Variants in LNX1 observed in about 807,000 individuals in gnomAD.
LNX1 encodes the protein E3 ubiquitin-protein ligase LNX.
Under a neutral mutation model 68.4 loss-of-function variants are expected in LNX1, and 54 were observed. The ratio of observed to expected loss-of-function variants is 0.79; its 90% CI spans 0.63 to 0.99. The LOEUF (loss-of-function observed/expected upper bound fraction) is 0.99. LNX1 is among the 50% of genes least tolerant of loss of function. The pLI is 0.00. For synonymous variants in LNX1, 336 were observed against 350.0 expected, an observed-to-expected ratio of 0.96 and a Z score of 0.45; for missense variants, 906 against 926.4, an observed-to-expected ratio of 0.98 and a Z score of 0.29.
chr4:53,554,302 C>T (rs1487967405), intron 2 of LNX1, among the ~76,000 whole-genome samples: 1 of 152,204 alleles, frequency 6.6e-6, no homozygotes, highest in Non-Finnish European at 1.5e-5. Flanking sequence ...GCTCTTCATC[C>T]TTTTGAACCT....
chr4:53,514,952 A>T (rs1726651574), intron 2 of LNX1, among the ~76,000 whole-genome samples: 1 of 152,222 alleles, frequency 6.6e-6, no homozygotes, highest in South Asian at 2.1e-4. Context: ...ATTGAGGGAC[A>T]ATATTTTAAA....
At chr4:53,555,148 A>G (rs1729815560) in intron 2 of LNX1, among the ~76,000 whole-genome samples, 1 of 152,156 alleles carries the variant, frequency 6.6e-6, no homozygotes, top group African/African-American at 2.4e-5. Flanking sequence ...TTGGGATCCT[A>G]TGGCCCAGAG....
intron 2 of LNX1, among the ~76,000 whole-genome samples, chr4:53,609,851 A>T (rs1489524016): frequency 6.8e-6 from 1 of 147,966 alleles, no homozygotes; most frequent in African/African-American, 2.5e-5. Flanking sequence ...TAAATAAATC[A>T]TGTAATTTAG....
chr4:53,471,329 C>T (rs557138235), intron 9 of LNX1, among the ~76,000 whole-genome samples: 1 of 151,930 alleles, frequency 6.6e-6, no homozygotes, highest in South Asian at 2.1e-4. Context: ...ACACCTTATA[C>T]AAAAATTAAT....
intron 4 of LNX1, among the ~76,000 whole-genome samples, chr4:53,503,791 A>C (rs1003266375): frequency 6.6e-6 from 1 of 152,214 alleles, no homozygotes; most frequent in African/African-American, 2.4e-5. Context: ...TCTAGTTAAG[A>C]AAGTCCTAGA....
intron 2 of LNX1, among the ~76,000 whole-genome samples, chr4:53,542,911 C>T (rs566337701): frequency 6.6e-6 from 1 of 152,156 alleles, no homozygotes; most frequent in Non-Finnish European, 1.5e-5. Flanking sequence ...GGTCATGAGC[C>T]CACCCAGGTG....
chr4:53,524,293 C>T (rs1205004699), intron 2 of LNX1: 1 of 152,066 alleles, frequency 6.6e-6, no homozygotes, highest in East Asian at 1.9e-4. Context: ...GGTTTCCTGT[C>T]CTAGAAATAA....
chr4:53,651,328 G>T lies in LNX1; in HGVS notation c.-215+840C>A, dbSNP rs116893512. 9.9e-4 allele frequency among the ~76,000 whole-genome samples: 150 copies of T among 152,282 alleles called. 2 individuals are homozygous for T. The East Asian group carries it at 0.026, about 27-fold the overall frequency. On this transcript the variant is annotated intron_variant, in intron 1 of 2. Coordinates refer to the LNX1 transcript ENST00000507168. ...CTCTGCACTGCGTCAGCATTCCTTG[G>T]GCACCGGACTTGCACCACGCCCTGA...
chr4:53,584,853 G>A (rs188348033), intron 1 of LNX1, among the ~76,000 whole-genome samples: 20 of 152,284 alleles, frequency 1.3e-4, no homozygotes, highest in African/African-American at 3.1e-4. Context: ...TGCTTCCCAC[G>A]TTACTTTGAC....
intron 9 of LNX1, among the ~76,000 whole-genome samples, chr4:53,467,025 G>C (rs565200527): frequency 4.6e-5 from 7 of 152,346 alleles, no homozygotes; most frequent in Admixed American, 3.9e-4. Context: ...CTTGAGATCT[G>C]AGAACGGGCA....
At chr4:53,532,780 G>A (rs1577672138) in intron 2 of LNX1, among the ~76,000 whole-genome samples, 1 of 152,214 alleles carries the variant, frequency 6.6e-6, no homozygotes, top group African/African-American at 2.4e-5. Flanking sequence ...CTCCTGTGGG[G>A]CAGCAGGGCG....
chr4:53,624,506 A>G (rs1206969470), intron 1 of LNX1, among the ~76,000 whole-genome samples: 1 of 151,576 alleles, frequency 6.6e-6, no homozygotes, highest in African/African-American at 2.4e-5. Flanking sequence ...AGTCCATTAA[A>G]CCTCTTTTTC....
At chr4:53,521,746 T>C (rs530368113) in intron 2 of LNX1, among the ~76,000 whole-genome samples, 41 of 152,258 alleles carry the variant, frequency 2.7e-4, no homozygotes, top group African/African-American at 9.6e-4. Flanking sequence ...GCTATTATAT[T>C]AAAATATTTA....
intron 9 of LNX1, among the ~76,000 whole-genome samples, chr4:53,472,003 T>C (rs1463614101): frequency 6.6e-6 from 1 of 152,144 alleles, no homozygotes; most frequent in African/African-American, 2.4e-5. Flanking sequence ...ACCCAAAGGA[T>C]TATAAATCAT....
At chr4:53,567,902 T>C (rs915505860) in intron 2 of LNX1, among the ~76,000 whole-genome samples, 3 of 151,870 alleles carry the variant, frequency 2.0e-5, no homozygotes, top group Admixed American at 6.6e-5. Context: ...CTAGAAGAAA[T>C]GGATAAATTC....
chr4:53,525,224 C>A (rs115685301), intron 2 of LNX1, among the ~76,000 whole-genome samples: 9 of 152,272 alleles, frequency 5.9e-5, no homozygotes, highest in Middle Eastern at 3.4e-3. Context: ...GTGGCTCACA[C>A]ACATCCCAGC....
At chr4:53,632,186 G>A (rs996579761) in intron 1 of LNX1, among the ~76,000 whole-genome samples, 2 of 152,166 alleles carry the variant, frequency 1.3e-5, no homozygotes, top group African/African-American at 2.4e-5. Flanking sequence ...CGCTGCGGTG[G>A]CCAGGTCTTT....
chr4:53,606,957 T>G (rs1174766931), intron 2 of LNX1, among the ~76,000 whole-genome samples: 9 of 152,104 alleles, frequency 5.9e-5, no homozygotes, highest in Admixed American at 1.3e-4. Context: ...GGAACATACT[T>G]CAAAATAATA....
At chr4:53,632,105 A>G (rs1385920900) in intron 1 of LNX1, among the ~76,000 whole-genome samples, 3 of 152,068 alleles carry the variant, frequency 2.0e-5, no homozygotes, top group African/African-American at 7.2e-5. Context: ...GCAGAATGGT[A>G]CCAAGGGCAG....
Sources: allele counts gnomAD v4.1 joint callset (sites outside exome capture counted in the v4.1 genomes callset), GRCh38; gene constraint gnomAD v4.1.1; transcripts MANE v1.5; gene names NCBI Gene and HGNC (gene_info 2026-07-23, HGNC 2026-07-21).